GPR161: variants seen among roughly 807,000 people sequenced by gnomAD.
GPR161 encodes G protein-coupled receptor 161, also known as G-protein coupled receptor RE2.
A neutral mutation model predicts 39.2 loss-of-function variants in GPR161; 25 were observed. The observed-to-expected ratio is 0.64, with a 90% confidence interval of 0.47 to 0.89. GPR161 has a LOEUF of 0.89. Among genes scored for constraint, GPR161 ranks in the 40% least tolerant of loss-of-function variants. The probability of loss-of-function intolerance (pLI) is 0.00; values close to 1 mark genes in which losing one functional copy is unlikely to be tolerated. For synonymous variants in GPR161, 286 were observed against 276.6 expected (o/e 1.03, Z -0.34); for missense variants, 547 against 677.8 (o/e 0.81, Z 2.14).
In GPR161 at chr1:168,130,040, C is replaced by A. The variant is rs1698869134; in HGVS notation, c.-45+6699G>T. Among the ~76,000 whole-genome samples, 4 of 152,334 alleles carry A rather than the reference C, an allele frequency of 2.6e-5. No homozygotes were observed. In the South Asian group the frequency reaches 6.2e-4, roughly 24 times the overall value. ...TCCCTCTTCCCTTGTCTTCCCTGAG[C>A]TCCTCTCTCCTGTCTCTCCGTCCTT... On this transcript the variant is annotated intron_variant, in intron 1 of 5. Transcript: ENST00000682931.
chr1:168,137,226 T>C, upstream of GPR161: 1 of 1,470,706 alleles, frequency 6.8e-7, no homozygotes, highest in Non-Finnish European at 9.0e-7. Flanking sequence ...AGGCCTTCCC[T>C]GTTCCCGTTC....
rs1042577896 is a variant in GPR161, at chr1:168,127,304, G to A, written c.-45+9435C>T. Among the ~76,000 whole-genome samples the A allele has an allele frequency of 2.0e-5, 3 of 152,042 alleles. No homozygotes were observed. The East Asian group carries it at 5.8e-4, about 29-fold the overall frequency. ...GATCAAGACTAGCCTGACCAACATGGTGAAACCCTGTCTCTATTAAAAATA... is the reference window on the plus strand; with the variant it reads ...GATCAAGACTAGCCTGACCAACATGATGAAACCCTGTCTCTATTAAAAATA... On this transcript the variant is annotated intron_variant, in intron 1 of 5. Transcript: ENST00000682931.
chr1:168,137,366 C>G, upstream of GPR161: 1 of 1,536,036 alleles, frequency 6.5e-7, no homozygotes, highest in African/African-American at 1.4e-5. Context: ...CGTGGACGAT[C>G]CTGGTATCGC....
At chr1:168,129,970 C>G (rs1009151880) in intron 1 of GPR161, among the ~76,000 whole-genome samples, 1 of 152,192 alleles carries the variant, frequency 6.6e-6, no homozygotes, top group Non-Finnish European at 1.5e-5. Context: ...TTATTGAGCT[C>G]TCTGCAGCAT....
In GPR161 at chr1:168,098,831, G is replaced by A. The variant is rs893199018; in HGVS notation, c.375-1599C>T. Among the ~76,000 whole-genome samples, 1 of 152,214 alleles carries A rather than the reference G, an allele frequency of 6.6e-6. No individual in the cohort carries two copies. Among genetic ancestry groups the A allele is most frequent in the African/African-American group, 2.4e-5 (1 of 41,456 alleles). ...CTGTCTTTCGCTGCTATCTGGGCTTGCATCTTGCAAAGGCCGTGCAGCCCA... is the reference window on the plus strand; with the variant it reads ...CTGTCTTTCGCTGCTATCTGGGCTTACATCTTGCAAAGGCCGTGCAGCCCA... On this transcript the variant is annotated intron_variant, in intron 2 of 5. Coordinates refer to ENST00000682931, the MANE Select transcript of GPR161 (RefSeq NM_001375883.1). The surrounding 1 kb of genome is among the most constrained non-coding windows in gnomAD (Gnocchi z 4.1).
chr1:168,117,297 G>A (rs375097734), intron 1 of GPR161, among the ~76,000 whole-genome samples: 10 of 152,064 alleles, frequency 6.6e-5, no homozygotes, highest in Admixed American at 3.9e-4. Flanking sequence ...TTTGCAAAAC[G>A]CAGTGCAATA....
intron 1 of GPR161, among the ~76,000 whole-genome samples, chr1:168,113,829 G>T (rs1438564621): frequency 6.6e-6 from 1 of 152,204 alleles, no homozygotes; most frequent in South Asian, 2.1e-4. Flanking sequence ...CTACTTGAGA[G>T]TGGAGGGTGG....
Position 168,087,610 on chromosome 1 carries a change from A to C in GPR161, c.1299T>G (p.Phe433Leu). The stretch of plus-strand genomic sequence containing the variant: ...CTTTGATTTGTTCCACTTCATCCTC[A>C]AATGTCACCGAGCTCCTTCTCTTGG... Reference protein sequence around the residue: ...CPPKRRSSVTFEDEVEQIKEA... With the variant: ...CPPKRRSSVTLEDEVEQIKEA... Residue 433 changes from phenylalanine to leucine, a missense_variant, in exon 5 of 6, where the codon TTT (phenylalanine) becomes TTG (leucine). By Grantham distance (22) the Phe-to-Leu change is conservative. Transcript: ENST00000682931. The C allele has an allele frequency of 6.2e-7, 1 of 1,614,122 alleles. No individual in the cohort carries two copies. Among genetic ancestry groups the C allele is most frequent in the African/African-American group, 1.3e-5 (1 of 75,028 alleles).
intron 1 of GPR161, among the ~76,000 whole-genome samples, chr1:168,119,234 A>ATACATATATATATGTATACATG (rs1697915278): frequency 8.3e-6 from 1 of 120,170 alleles, no homozygotes; most frequent in African/African-American, 3.6e-5. Flanking sequence ...ATACGTATAT[A>ATACATATATATATGTATACATG]TATATATACA....
rs1572224073 is a variant in GPR161, at chr1:168,084,153, G to C, written c.*1378C>G. 6.4e-6 allele frequency: 1 copy of C among 155,334 alleles called. No homozygotes were observed. Among genetic ancestry groups the C allele is most frequent in the East Asian group, 1.9e-4 (1 of 5,190 alleles). 9.6% of individuals were successfully genotyped at this position (155,334 alleles called of 1,614,324 possible). ...ATCACATTCCTGTGCTTCCCCTTCTGAGATGGTGACCCTGCCCCTCATGCA... is the reference window on the plus strand; with the variant it reads ...ATCACATTCCTGTGCTTCCCCTTCTCAGATGGTGACCCTGCCCCTCATGCA... On this transcript the variant is annotated 3_prime_UTR_variant, in exon 6 of 6. Coordinates refer to ENST00000682931, the MANE Select transcript of GPR161 (RefSeq NM_001375883.1).
At position 168,098,422 on chromosome 1, in the gene GPR161, T is replaced by C. The variant is rs1288145066; in HGVS notation, c.375-1190A>G. On this transcript the variant is annotated intron_variant, in intron 2 of 5. Coordinates refer to ENST00000682931, the MANE Select transcript of GPR161 (RefSeq NM_001375883.1). The surrounding 1 kb of genome is among the most constrained non-coding windows in gnomAD (Gnocchi z 4.1). Reference sequence around the variant, plus strand: ...CACCACCCTCCCAACCCCGACATTTTATCCAAGGGAAATAGGATGTTCCCA... The same window carrying C: ...CACCACCCTCCCAACCCCGACATTTCATCCAAGGGAAATAGGATGTTCCCA... Among the ~76,000 whole-genome samples, 3 of 152,220 alleles carry C rather than the reference T, an allele frequency of 2.0e-5. No individual in the cohort carries two copies. The highest frequency in any genetic ancestry group is 7.2e-5 in the African/African-American group (3 of 41,462).
At position 168,136,818 on chromosome 1, in the gene GPR161, C is replaced by G. The variant is rs1699418644; in HGVS notation, c.-124G>C. On this transcript the variant is annotated 5_prime_UTR_variant, in exon 1 of 6. Transcript: ENST00000682931. Reference sequence around the variant, plus strand: ...GGCCACCGCCGCCGCCGCTTCCTTCCTCCCCGCCGCGCTCCGGGACTGGAG... The same window carrying G: ...GGCCACCGCCGCCGCCGCTTCCTTCGTCCCCGCCGCGCTCCGGGACTGGAG... The G allele has an allele frequency of 3.0e-6, 3 of 985,084 alleles. No individual in the cohort carries two copies. Among genetic ancestry groups the G allele is most frequent in the Non-Finnish European group, 2.4e-6 (2 of 830,084 alleles). 61.0% of individuals were successfully genotyped at this position (985,084 alleles called of 1,614,324 possible). A position where few individuals can be genotyped will look rare whatever the true frequency, so the allele number is the denominator to read the frequency against.
chr1:168,080,970 T>G lies in GPR161; in HGVS notation c.*4561A>C, dbSNP rs1425335560. The G allele has an allele frequency of 6.6e-6, 1 of 152,478 alleles. No homozygotes were observed. Among genetic ancestry groups the G allele is most frequent in the African/African-American group, 2.4e-5 (1 of 41,434 alleles). 9.4% of individuals were successfully genotyped at this position (152,478 alleles called of 1,614,324 possible). A position where few individuals can be genotyped will look rare whatever the true frequency, so the allele number is the denominator to read the frequency against. ...ACCTCCGCCTCCTGGGTTTAAGTGATTCTCCTGCCTCAGGCTCCTGAGTAG... is the reference window on the plus strand; with the variant it reads ...ACCTCCGCCTCCTGGGTTTAAGTGAGTCTCCTGCCTCAGGCTCCTGAGTAG... On this transcript the variant is annotated 3_prime_UTR_variant, in exon 6 of 6. Transcript: ENST00000682931.
intron 1 of GPR161, among the ~76,000 whole-genome samples, chr1:168,107,390 G>A (rs917050510): frequency 3.3e-5 from 5 of 152,176 alleles, no homozygotes; most frequent in Middle Eastern, 3.2e-3. Flanking sequence ...CTCTGCTCTC[G>A]TGAATGGAAT....
intron 1 of GPR161, among the ~76,000 whole-genome samples, chr1:168,106,254 A>G (rs760455822): frequency 3.3e-5 from 5 of 152,188 alleles, no homozygotes; most frequent in Non-Finnish European, 7.3e-5. Context: ...TATCTCCATG[A>G]TCAGAATAAT....
At chr1:168,128,479 G>A (rs1480123035) in intron 1 of GPR161, among the ~76,000 whole-genome samples, 1 of 151,952 alleles carries the variant, frequency 6.6e-6, no homozygotes, top group Non-Finnish European at 1.5e-5. Context: ...CAGTAGTGCC[G>A]AGGTTGAGAA....
At chr1:168,097,421 A>G (rs7515429) in intron 2 of GPR161, among the ~76,000 whole-genome samples, 189 bp from the exon 3 acceptor site, 51,640 of 151,964 alleles carry the variant, frequency 0.34, 9,072 homozygotes, top group Admixed American at 0.46. Flanking sequence ...TTAACAGAGA[A>G]GAGCTCAACA....
intron 2 of GPR161, among the ~76,000 whole-genome samples, chr1:168,102,044 C>G (rs537314348): frequency 6.6e-6 from 1 of 152,294 alleles, no homozygotes; most frequent in African/African-American, 2.4e-5. Flanking sequence ...TTTGGGTGAT[C>G]CACCCACCTC....
At chr1:168,091,273 G>A (rs1350938817) in intron 3 of GPR161, among the ~76,000 whole-genome samples, 5 of 152,170 alleles carry the variant, frequency 3.3e-5, no homozygotes, top group African/African-American at 4.8e-5. Context: ...GGCCTCGGGC[G>A]CCAGACCCCA....
Sources: gnomAD v4.1 joint callset for allele counts (sites outside exome capture counted in the v4.1 genomes callset) on GRCh38, gnomAD v4.1.1 for gene constraint, Gnocchi (gnomAD v3.1) non-coding constraint, MANE v1.5 for transcripts, NCBI Gene and HGNC (gene_info 2026-07-23, HGNC 2026-07-21) for gene names.